SYNC: variants seen among roughly 807,000 people sequenced by gnomAD.
The protein encoded by SYNC is syncoilin.
Under a neutral mutation model 49.5 loss-of-function variants are expected in SYNC, and 38 were observed. The observed-to-expected ratio is 0.77, with a 90% CI of 0.59 to 1.01. The LOEUF (loss-of-function observed/expected upper bound fraction) is 1.01, where lower values mean the gene tolerates loss of function less well. Ranked by LOEUF, SYNC falls within the 50% of genes least tolerant of loss-of-function variation. The pLI, the probability that SYNC is intolerant of heterozygous loss-of-function variation, is 0.00. For synonymous variants in SYNC, 201 were observed against 230.8 expected (o/e 0.87, Z 1.17); for missense variants, 579 against 580.6 (o/e 1.00, Z 0.03).
intron 2 of SYNC, among the ~76,000 whole-genome samples, chr1:32,688,964 G>C (rs546965501): frequency 1.3e-5 from 2 of 151,682 alleles, no homozygotes; most frequent in Admixed American, 6.6e-5. Flanking sequence ...TTCTGAGACG[G>C]AGTCTTGCTC....
intron 2 of SYNC, among the ~76,000 whole-genome samples, chr1:32,689,161 G>C (rs1650035947): frequency 7.0e-6 from 1 of 143,518 alleles, no homozygotes; most frequent in Non-Finnish European, 1.5e-5. Context: ...GGATGGTCTC[G>C]ATCTTTTGAC....
At position 32,689,235 on chromosome 1, in the gene SYNC, C is replaced by CTTTT. The variant is rs71006360; in HGVS notation, c.1234-4857_1234-4854dup. ...ACAGGCGTGAGGCACCTCGCCTGGC[C>CTTTT]TTTTTTTTTTTTTTTTTTTTTTTTT... On this transcript the variant is annotated intron_variant, in intron 2 of 4. Transcript: ENST00000409190. 6.0e-4 allele frequency among the ~76,000 whole-genome samples: 25 copies of CTTTT among 41,528 alleles called. 4 individuals are homozygous for CTTTT. In the East Asian group the frequency reaches 6.7e-3, roughly 11 times the overall value. The allele number at this position is 41,528 out of a possible 152,430, so 27.2% of individuals were successfully genotyped here.
At chr1:32,684,424 T>C in intron 2 of SYNC, 42 bp from the exon 3 acceptor site, 3 of 1,612,862 alleles carry the variant, frequency 1.9e-6, no homozygotes, top group South Asian at 2.2e-5. Flanking sequence ...AGCCAAACAA[T>C]AAAAACTCAC....
chr1:32,686,827 A>G (rs1440433364), intron 2 of SYNC, among the ~76,000 whole-genome samples: 3 of 152,156 alleles, frequency 2.0e-5, no homozygotes, highest in African/African-American at 7.2e-5. Flanking sequence ...TTAGTGATAG[A>G]GCCAGGATTT....
At chr1:32,688,383 T>A (rs1305333562) in intron 2 of SYNC, among the ~76,000 whole-genome samples, 1 of 152,186 alleles carries the variant, frequency 6.6e-6, no homozygotes, top group Admixed American at 6.5e-5. Context: ...TGTTGATCTA[T>A]GAAATGTCCC....
intron 1 of SYNC, among the ~76,000 whole-genome samples, chr1:32,701,384 T>TA (rs1650663433): frequency 6.6e-6 from 1 of 152,198 alleles, no homozygotes; most frequent in African/African-American, 2.4e-5. Context: ...TACATGTGTC[T>TA]GTCTCCCTGA....
At chr1:32,687,381 A>G (rs1649903635) in intron 2 of SYNC, among the ~76,000 whole-genome samples, 1 of 141,782 alleles carries the variant, frequency 7.1e-6, no homozygotes, top group Admixed American at 7.1e-5. Flanking sequence ...AAAAAACCAT[A>G]AAAGTGTTTA....
At chr1:32,687,841 T>C (rs1007926503) in intron 2 of SYNC, among the ~76,000 whole-genome samples, 3 of 27,190 alleles carry the variant, frequency 1.1e-4, no homozygotes, top group African/African-American at 1.5e-4. Context: ...TGAATTATTA[T>C]TATTATTATT....
At chr1:32,691,681 T>A (rs1479483254) in intron 2 of SYNC, among the ~76,000 whole-genome samples, 2 of 152,190 alleles carry the variant, frequency 1.3e-5, no homozygotes, top group African/African-American at 4.8e-5. Context: ...ACTAATTATA[T>A]TTCAGATATG....
chr1:32,698,783 C>CT (rs113450268), intron 1 of SYNC, among the ~76,000 whole-genome samples: 1,564 of 140,416 alleles, frequency 0.011, 13 homozygotes, highest in African/African-American at 0.024. Flanking sequence ...TTGTTTTTGT[C>CT]TTTTTTTTTT....
rs1649316180 is a variant in SYNC at position 32,679,924 on chromosome 1, A to T, written c.*1926T>A. On this transcript the variant is annotated 3_prime_UTR_variant, in exon 5 of 5. Coordinates refer to ENST00000409190, the MANE Select transcript of SYNC (RefSeq NM_030786.3). ...ACTTAACGTTGAAATTTTCTTCAGGAATTTTCTAGTAACCCAGGTCTAAAG... is the reference window on the plus strand; with the variant it reads ...ACTTAACGTTGAAATTTTCTTCAGGTATTTTCTAGTAACCCAGGTCTAAAG... 2.3e-6 allele frequency: 3 copies of T among 1,293,612 alleles called. No homozygotes were observed. Among genetic ancestry groups the T allele is most frequent in the Non-Finnish European group, 2.9e-6 (3 of 1,023,960 alleles). 80.1% of individuals were successfully genotyped at this position (1,293,612 alleles called of 1,614,324 possible). A position where few individuals can be genotyped will look rare whatever the true frequency, so the allele number is the denominator to read the frequency against.
At chr1:32,689,099 C>T (rs1038011146) in intron 2 of SYNC, among the ~76,000 whole-genome samples, 7 of 151,466 alleles carry the variant, frequency 4.6e-5, no homozygotes, top group Admixed American at 4.6e-4. Flanking sequence ...CCACCACGCC[C>T]AGCTAATTTT....
intron 2 of SYNC, among the ~76,000 whole-genome samples, chr1:32,694,167 G>A (rs1650295127): frequency 6.6e-6 from 1 of 152,058 alleles, no homozygotes; most frequent in Non-Finnish European, 1.5e-5. Flanking sequence ...GGTTTGAGGT[G>A]CAGTGAGCCC....
In SYNC at chr1:32,702,562, A is replaced by C. The variant is rs1650707999; in HGVS notation, c.53+46T>G. 9 of 1,186,928 alleles carry C rather than the reference A, an allele frequency of 7.6e-6. No homozygotes were observed. In the South Asian group the frequency reaches 3.4e-4, roughly 44 times the overall value. The allele number at this position is 1,186,928 out of a possible 1,614,324, so 73.5% of individuals were successfully genotyped here. On this transcript the variant is annotated intron_variant, in intron 1 of 4. Coordinates refer to ENST00000409190, the MANE Select transcript of SYNC (RefSeq NM_030786.3). This position sits in a 1 kb window ranked among gnomAD's most constrained non-coding sequence, Gnocchi z 6.2. ...GGGGAAAGGGAACCCGTCCAGCAGC[A>C]CCCCTTCCCCAGCGGGGCGGCGACG...
chr1:32,681,976 C>A (rs1262916566), intron 4 of SYNC, 116 bp from the exon 5 acceptor site: 2 of 912,990 alleles, frequency 2.2e-6, no homozygotes, highest in Admixed American at 2.1e-5. Flanking sequence ...GATGACTTTC[C>A]CCTAGCAAAT....
rs1012905491 is a variant in SYNC, at chr1:32,684,334, C to T, written c.1282G>A (p.Val428Met). The T allele has an allele frequency of 6.2e-7, 1 of 1,614,058 alleles. No individual in the cohort carries two copies. The highest frequency in any genetic ancestry group is 8.5e-7 in the Non-Finnish European group (1 of 1,180,028). Residue 428 changes from valine to methionine, a missense_variant, in exon 3 of 5, where the codon GTG becomes ATG. Coordinates refer to ENST00000409190, the MANE Select transcript of SYNC (RefSeq NM_030786.3). Reference sequence around the variant, plus strand: ...TTGTTCTTCTGTTGCTGGAGTTGCACCCCATTTCTTAACTGCCTCTGGCGT... The same window carrying T: ...TTGTTCTTCTGTTGCTGGAGTTGCATCCCATTTCTTAACTGCCTCTGGCGT... ...EERQRQLRNG[V>M]QLQQQKNKEM...
Position 32,681,733 on chromosome 1 carries a change from G to C in SYNC, c.*117C>G, listed in dbSNP as rs1649449524. ...ATTTGCAACTTCCACAGGATGAATT[G>C]CTTGCCAAGTTTCTGGCACTCTTGT... On this transcript the variant is annotated 3_prime_UTR_variant, in exon 5 of 5. Coordinates refer to ENST00000409190, the MANE Select transcript of SYNC (RefSeq NM_030786.3). The C allele has an allele frequency of 8.4e-6, 13 of 1,554,570 alleles. No homozygotes were observed. Among genetic ancestry groups the C allele is most frequent in the Non-Finnish European group, 8.9e-6 (10 of 1,129,318 alleles).
intron 1 of SYNC, among the ~76,000 whole-genome samples, chr1:32,699,159 T>C (rs1448115514): frequency 7.0e-6 from 1 of 142,090 alleles, no homozygotes; most frequent in African/African-American, 2.6e-5. Context: ...TTTTCTTTTT[T>C]TTTTTTTTTT....
At position 32,695,436 on chromosome 1, in the gene SYNC, G is replaced by A. The variant is rs768042130; in HGVS notation, c.662C>T (p.Ala221Val). 500 of 1,551,542 alleles carry A rather than the reference G, an allele frequency of 3.2e-4. 1 individual carries two copies. Among genetic ancestry groups the A allele is most frequent in the Non-Finnish European group, 4.1e-4 (470 of 1,147,048 alleles). Reference protein sequence around the residue: ...VQQVHQDILAAYKLHAQAELE... With the variant: ...VQQVHQDILAVYKLHAQAELE... ...CTCTGCTTGGGCATGGAGCTTGTAG[G>A]CAGCCAGGATGTCTTGATGGACTTG... is the stretch of plus-strand genomic sequence containing the variant. The change falls in exon 2 of 5, where the codon GCC (alanine) becomes GTC (valine). Residue 221 changes from alanine to valine, a missense_variant. Coordinates refer to ENST00000409190, the MANE Select transcript of SYNC (RefSeq NM_030786.3).
Sources: allele counts gnomAD v4.1 joint callset (sites outside exome capture counted in the v4.1 genomes callset), GRCh38; gene constraint gnomAD v4.1.1; non-coding constraint Gnocchi (gnomAD v3.1); transcripts MANE v1.5; gene names NCBI Gene and HGNC (gene_info 2026-07-23, HGNC 2026-07-21).